The following SDK2 variants were observed in gnomAD, a reference collection of about 807,000 sequenced individuals.
SDK2 encodes sidekick cell adhesion molecule 2.
Under a neutral mutation model 253.9 loss-of-function variants are expected in SDK2, and 105 were observed. The observed-to-expected ratio is 0.41, with a 90% CI of 0.35 to 0.49. SDK2 has a LOEUF of 0.49. Among genes scored for constraint, SDK2 ranks in the 20% least tolerant of loss-of-function variants. SDK2 has a pLI of 0.06. For missense variants in SDK2, 2,608 were observed against 3,003.0 expected, an observed-to-expected ratio of 0.87 and a Z score of 3.07; for synonymous variants, 1,249 against 1,234.9, an observed-to-expected ratio of 1.01 and a Z score of -0.24.
chr17:73,594,492 A>T (rs55926990), intron 1 of SDK2, among the ~76,000 whole-genome samples: 3 of 151,082 alleles, frequency 2.0e-5, no homozygotes, highest in Non-Finnish European at 3.0e-5. Flanking sequence ...AGGGAGGGGG[A>T]GAGAGAGAGA....
In SDK2 at chr17:73,379,275, G is replaced by A. The variant is rs1346458883; in HGVS notation, c.4882C>T (p.Arg1628Cys). The A allele has an allele frequency of 1.3e-6, 2 of 1,554,984 alleles. No homozygotes were observed. The highest frequency in any genetic ancestry group is 8.7e-7 in the Non-Finnish European group (1 of 1,148,852). Residue 1628 changes from arginine to cysteine, a missense_variant, in exon 36 of 45, where the codon CGT (arginine) becomes TGT (cysteine). Arg to Cys is a radical substitution (Grantham distance 180). Coordinates refer to ENST00000392650, the MANE Select transcript of SDK2 (RefSeq NM_001144952.2). The surrounding 1 kb of genome is among the most constrained non-coding windows in gnomAD (Gnocchi z 4.5). ...GTGGCGCCGTGGACGACCACGTTAC[G>A]AGGTGCTGCTGTGGGCACTGGAGGG... is the stretch of plus-strand genomic sequence containing the variant. ...VGEAVPTAAPRNVVVHGATAT... is the reference protein window; with the variant it reads ...VGEAVPTAAPCNVVVHGATAT...
At chr17:73,535,690 A>T (rs901989830) in intron 1 of SDK2, among the ~76,000 whole-genome samples, 1 of 152,172 alleles carries the variant, frequency 6.6e-6, no homozygotes, top group African/African-American at 2.4e-5. Flanking sequence ...TTGGGAAGAG[A>T]GGCACACAGT....
At chr17:73,339,242 T>G (rs1284327476) in intron 44 of SDK2, among the ~76,000 whole-genome samples, 1 of 150,950 alleles carries the variant, frequency 6.6e-6, no homozygotes, top group Non-Finnish European at 1.5e-5. Flanking sequence ...TTTGTTTTTT[T>G]TTTTTGAGAC....
chr17:73,429,998 T>C (rs1416822425), intron 12 of SDK2, among the ~76,000 whole-genome samples: 1 of 152,124 alleles, frequency 6.6e-6, no homozygotes, highest in Non-Finnish European at 1.5e-5. Context: ...GGAGGCTCAG[T>C]TTCCCACATG....
At chr17:73,426,437 C>T (rs2063284962) in intron 12 of SDK2, among the ~76,000 whole-genome samples, 1 of 151,900 alleles carries the variant, frequency 6.6e-6, no homozygotes. Context: ...TGTGATATTT[C>T]CACACCATGA....
intron 4 of SDK2, among the ~76,000 whole-genome samples, chr17:73,450,213 G>A (rs1448760094): frequency 1.3e-5 from 2 of 152,214 alleles, no homozygotes; most frequent in African/African-American, 4.8e-5. Flanking sequence ...TCTGGCCCTA[G>A]CCTCTAAAGG....
chr17:73,501,336 C>A lies in SDK2; in HGVS notation c.224+6102G>T, dbSNP rs532202785. Among the ~76,000 whole-genome samples the A allele has an allele frequency of 1.4e-4, 21 of 149,194 alleles. No individual in the cohort carries two copies. The South Asian group carries it at 3.4e-3, about 24-fold the overall frequency. ...TAAGTTTTGTGTTCTTCCTCCCCCC[C>A]ACCACCTGTCCCCAGCACATGCCCC... On this transcript the variant is annotated intron_variant, in intron 2 of 44. Coordinates refer to ENST00000392650, the MANE Select transcript of SDK2 (RefSeq NM_001144952.2).
At chr17:73,426,640 T>G (rs920446952) in intron 12 of SDK2, among the ~76,000 whole-genome samples, 2 of 152,200 alleles carry the variant, frequency 1.3e-5, no homozygotes, top group Non-Finnish European at 2.9e-5. Flanking sequence ...GTTGAGTTAA[T>G]TTTTAAGTCT....
intron 15 of SDK2, 103 bp downstream of exon 15, chr17:73,422,184 G>C (rs1331573588): frequency 4.6e-6 from 6 of 1,311,890 alleles, no homozygotes; most frequent in Non-Finnish European, 6.3e-6. Context: ...AAGCCTAGAG[G>C]GGGCCAGGAG....
intron 2 of SDK2, among the ~76,000 whole-genome samples, chr17:73,492,012 C>T (rs1464223502): frequency 6.6e-6 from 1 of 152,170 alleles, no homozygotes; most frequent in East Asian, 1.9e-4. Flanking sequence ...CTTCATGCCT[C>T]GCTTTCATTG....
At chr17:73,491,839 G>A (rs1427698360) in intron 2 of SDK2, among the ~76,000 whole-genome samples, 4 of 152,214 alleles carry the variant, frequency 2.6e-5, no homozygotes, top group Non-Finnish European at 5.9e-5. Flanking sequence ...CTGGGGACCC[G>A]CCTGCGAGCC....
At chr17:73,454,470 A>T (rs912294640) in intron 4 of SDK2, among the ~76,000 whole-genome samples, 3 of 152,206 alleles carry the variant, frequency 2.0e-5, no homozygotes, top group Admixed American at 2.0e-4. Flanking sequence ...ATTGCCTGTA[A>T]AACGGGGAGA....
intron 1 of SDK2, among the ~76,000 whole-genome samples, chr17:73,577,035 A>G (rs1224000153): frequency 6.6e-6 from 1 of 152,196 alleles, no homozygotes; most frequent in African/African-American, 2.4e-5. Flanking sequence ...CTCACCTGCA[A>G]TCCCTTCCAG....
intron 27 of SDK2, among the ~76,000 whole-genome samples, chr17:73,393,226 CAG>C (rs1254637303): frequency 9.5e-6 from 1 of 105,694 alleles, no homozygotes; most frequent in Non-Finnish European, 1.8e-5. Context: ...GCCTGGGTGA[CAG>C]AGTGATACTC....
In SDK2 at chr17:73,455,929, G is replaced by T; in HGVS notation, c.456C>A (p.Arg152=). 1 of 1,544,676 alleles carries T rather than the reference G, an allele frequency of 6.5e-7. No homozygotes were observed. The change falls in exon 4 of 45, where the codon CGC becomes CGA. Residue 152 remains arginine (R), a synonymous_variant. Coordinates refer to ENST00000392650, the MANE Select transcript of SDK2 (RefSeq NM_001144952.2). This position sits in a 1 kb window ranked among gnomAD's most constrained non-coding sequence, Gnocchi z 5.0. ...ACATGCGGCTGCTGGGCGGGATCTT[G>T]CGGCCGTCCCGGAACCAGGTCACCT... The part of the protein sequence containing the change: ...QPQVTWFRDG[R]KIPPSSRIAI...
chr17:73,401,758 C>A lies in SDK2; in HGVS notation c.2681-6G>T, dbSNP rs897046352. On this transcript the variant is annotated splice_region_variant and splice_polypyrimidine_tract_variant and intron_variant, in intron 19 of 44. Transcript: ENST00000392650. ...GTGTCCCACGGGCCCAGGCACTGCA[C>A]CCCAAAAGGAACCCCCACCCCCCAA... 1.3e-6 allele frequency: 2 copies of A among 1,568,098 alleles called. No individual in the cohort carries two copies. The highest frequency in any genetic ancestry group is 1.7e-6 in the Non-Finnish European group (2 of 1,155,618).
chr17:73,448,760 A>G (rs1368933824), intron 4 of SDK2, among the ~76,000 whole-genome samples: 2 of 151,500 alleles, frequency 1.3e-5, no homozygotes, highest in East Asian at 1.9e-4. Flanking sequence ...TTCCCGGTTC[A>G]AGTGATTTTC....
In SDK2 at chr17:73,352,366, C is replaced by G. The variant is rs1185604318; in HGVS notation, c.5758+107G>C. 6.6e-6 allele frequency: 9 copies of G among 1,368,320 alleles called. No individual in the cohort carries two copies. In the South Asian group the frequency reaches 1.2e-4, roughly 19 times the overall value. The allele number at this position is 1,368,320 out of a possible 1,614,324, so 84.8% of individuals were successfully genotyped here. On this transcript the variant is annotated intron_variant, in intron 41 of 44. Transcript: ENST00000392650. The surrounding 1 kb of genome is among the most constrained non-coding windows in gnomAD (Gnocchi z 4.1). The stretch of plus-strand genomic sequence containing the variant: ...GGGGACAATGTGTTTTTGTTCCCGC[C>G]CCATGCTCCTGGTGCCCTGGTGCCT...
At chr17:73,492,745 C>T (rs1296808910) in intron 2 of SDK2, among the ~76,000 whole-genome samples, 1 of 152,122 alleles carries the variant, frequency 6.6e-6, no homozygotes, top group Admixed American at 6.5e-5. Context: ...TGCAGATATT[C>T]CTCTTCAGGG....
Sources: gnomAD v4.1 joint callset for allele counts (sites outside exome capture counted in the v4.1 genomes callset) on GRCh38, gnomAD v4.1.1 for gene constraint, Gnocchi (gnomAD v3.1) non-coding constraint, MANE v1.5 for transcripts, NCBI Gene and HGNC (gene_info 2026-07-23, HGNC 2026-07-21) for gene names.